The following CDH13 variants were observed in gnomAD, a reference collection of about 807,000 sequenced individuals.
CDH13 encodes cadherin 13.
Under a neutral mutation model 63.8 loss-of-function variants are expected in CDH13, and 24 were observed. The ratio of observed to expected loss-of-function variants is 0.38; its 90% CI spans 0.27 to 0.53. The LOEUF (loss-of-function observed/expected upper bound fraction) is 0.53, where lower values mean the gene tolerates loss of function less well. Among genes scored for constraint, CDH13 ranks in the 20% least tolerant of loss-of-function variants. The pLI, the probability that CDH13 is intolerant of heterozygous loss-of-function variation, is 0.85. For synonymous variants in CDH13, 503 were observed against 355.3 expected, an observed-to-expected ratio of 1.42 and a Z score of -4.67; for missense variants, 1,049 against 903.1, an observed-to-expected ratio of 1.16 and a Z score of -2.07.
At chr16:83,285,305 G>T (rs566319160) in intron 5 of CDH13, among the ~76,000 whole-genome samples, 1 of 152,058 alleles carries the variant, frequency 6.6e-6, no homozygotes, top group Non-Finnish European at 1.5e-5. Flanking sequence ...ATTTCTCCTT[G>T]GTATTTTATT....
intron 7 of CDH13, among the ~76,000 whole-genome samples, chr16:83,569,158 C>T (rs1003356013): frequency 2.0e-5 from 3 of 152,224 alleles, no homozygotes; most frequent in East Asian, 1.9e-4. Context: ...CTGTGCTTTG[C>T]ACATGCTCTT....
chr16:83,384,952 C>A (rs929624963), intron 6 of CDH13, among the ~76,000 whole-genome samples: 2 of 152,172 alleles, frequency 1.3e-5, no homozygotes, highest in African/African-American at 2.4e-5. Context: ...TTTTAAGGCA[C>A]CAATGTATAT....
At chr16:83,145,201 C>T (rs1433357658) in intron 4 of CDH13, among the ~76,000 whole-genome samples, 1 of 152,176 alleles carries the variant, frequency 6.6e-6, no homozygotes, top group African/African-American at 2.4e-5. Context: ...TGTCAGGGTG[C>T]CATGAGCTGC....
chr16:82,780,000 G>C (rs905203475), intron 1 of CDH13, among the ~76,000 whole-genome samples: 5 of 152,104 alleles, frequency 3.3e-5, no homozygotes, highest in African/African-American at 1.2e-4. Context: ...CTGCCCTTTT[G>C]TGCCAGGAGC....
chr16:83,269,531 T>C (rs1042027094), intron 5 of CDH13, among the ~76,000 whole-genome samples: 6 of 152,128 alleles, frequency 3.9e-5, no homozygotes, highest in African/African-American at 7.2e-5. Flanking sequence ...TCCTGGAAGG[T>C]ACAGAGTGCC....
At chr16:83,246,721 G>A (rs79622821) in intron 5 of CDH13, among the ~76,000 whole-genome samples, 10 of 152,090 alleles carry the variant, frequency 6.6e-5, no homozygotes, top group African/African-American at 1.7e-4. Context: ...ACTCTTCGCC[G>A]GTGTTGCTGC....
At chr16:83,081,689 G>C (rs145976188) in intron 3 of CDH13, among the ~76,000 whole-genome samples, 2 of 148,212 alleles carry the variant, frequency 1.3e-5, no homozygotes, top group East Asian at 3.9e-4. Flanking sequence ...ACACAGTAAA[G>C]AGAGAGAGAG....
At chr16:82,875,391 ATACT>A (rs1388954409) in intron 2 of CDH13, among the ~76,000 whole-genome samples, 2 of 152,214 alleles carry the variant, frequency 1.3e-5, no homozygotes, top group African/African-American at 2.4e-5. Context: ...TTAAAGAAAG[ATACT>A]TAATTAAAAT....
At chr16:82,763,195 T>C (rs2034919754) in intron 1 of CDH13, among the ~76,000 whole-genome samples, 1 of 152,194 alleles carries the variant, frequency 6.6e-6, no homozygotes, top group Admixed American at 6.5e-5. Context: ...TTCTTTCAAT[T>C]AGAATCTTTA....
intron 4 of CDH13, among the ~76,000 whole-genome samples, chr16:83,159,936 C>T (rs1299715189): frequency 6.6e-6 from 1 of 152,016 alleles, no homozygotes; most frequent in Non-Finnish European, 1.5e-5. Flanking sequence ...ATTAGCCGGG[C>T]ATGGTGGTGC....
At chr16:82,708,352 G>T (rs1466708779) in intron 1 of CDH13, among the ~76,000 whole-genome samples, 2 of 152,124 alleles carry the variant, frequency 1.3e-5, no homozygotes, top group Non-Finnish European at 2.9e-5. Context: ...AGTGCAAATA[G>T]GGCATAAGGG....
intron 2 of CDH13, among the ~76,000 whole-genome samples, chr16:82,964,457 A>G (rs1383585265): frequency 6.6e-6 from 1 of 152,248 alleles, no homozygotes; most frequent in Non-Finnish European, 1.5e-5. Context: ...TTAAACCTCC[A>G]GGGAGAAGTA....
At chr16:83,779,943 C>G (rs369251375) in intron 11 of CDH13, 25 bp from the exon 12 acceptor site, 12 of 1,543,650 alleles carry the variant, frequency 7.8e-6, no homozygotes, top group Admixed American at 1.7e-5. Flanking sequence ...CAGTTGCATA[C>G]CAACATCTTC....
chr16:82,976,105 A>G (rs1273832366), intron 2 of CDH13, among the ~76,000 whole-genome samples: 1 of 152,212 alleles, frequency 6.6e-6, no homozygotes, highest in Non-Finnish European at 1.5e-5. Flanking sequence ...GAGGGAGACA[A>G]GAAAAGTATT....
At chr16:83,171,431 G>C in intron 4 of CDH13, 1 of 1,088,972 alleles carries the variant, frequency 9.2e-7, no homozygotes, top group Non-Finnish European at 1.3e-6. Context: ...ATTTGGGTGA[G>C]GACACAGATC....
intron 6 of CDH13, among the ~76,000 whole-genome samples, chr16:83,422,761 A>G (rs569962012): frequency 2.6e-5 from 4 of 152,290 alleles, no homozygotes; most frequent in Non-Finnish European, 4.4e-5. Context: ...AGTTGCCCCA[A>G]CTTTAAAAGG....
At chr16:83,412,930 G>T (rs766277850) in intron 6 of CDH13, among the ~76,000 whole-genome samples, 8 of 152,172 alleles carry the variant, frequency 5.3e-5, no homozygotes, top group Non-Finnish European at 1.2e-4. Context: ...ATGTAACTGT[G>T]TTGTATTACC....
intron 5 of CDH13, among the ~76,000 whole-genome samples, chr16:83,254,106 C>G (rs774081710): frequency 3.3e-5 from 5 of 152,182 alleles, no homozygotes; most frequent in Non-Finnish European, 5.9e-5. Context: ...AGACAGATAA[C>G]ACTCCGAAGT....
At chr16:83,105,660 TA>T (rs72278133) in intron 3 of CDH13, among the ~76,000 whole-genome samples, 8 of 150,092 alleles carry the variant, frequency 5.3e-5, no homozygotes, top group East Asian at 3.9e-4. Context: ...TTATTAAAGT[TA>T]AAAAAAAAAT....
Sources: allele counts gnomAD v4.1 joint callset (sites outside exome capture counted in the v4.1 genomes callset), GRCh38; gene constraint gnomAD v4.1.1; transcripts MANE v1.5; gene names NCBI Gene and HGNC (gene_info 2026-07-23, HGNC 2026-07-21).